The following ZNF490 variants were observed in gnomAD, a reference collection of about 807,000 sequenced individuals.
ZNF490 encodes zinc finger protein 490.
Under a neutral mutation model 17.7 loss-of-function variants are expected in ZNF490, and 11 were observed. That is an observed-to-expected ratio of 0.62 (90% confidence interval 0.39 to 1.03). The LOEUF is 1.03. Among genes scored for constraint, ZNF490 ranks in the 50% least tolerant of loss-of-function variants. ZNF490 has a pLI of 0.00. For missense variants in ZNF490, 542 were observed against 643.4 expected, an observed-to-expected ratio of 0.84 and a Z score of 1.71; for synonymous variants, 222 against 216.1, an observed-to-expected ratio of 1.03 and a Z score of -0.24.
At chr19:12,604,521 G>A (rs2023044500) in intron 2 of ZNF490, among the ~76,000 whole-genome samples, 1 of 151,966 alleles carries the variant, frequency 6.6e-6, no homozygotes, top group South Asian at 2.1e-4. Context: ...AAATTAGCTG[G>A]GCATGGTGGC....
intron 4 of ZNF490, 55 bp from the exon 5 acceptor site, chr19:12,581,779 T>G: frequency 7.2e-7 from 1 of 1,387,738 alleles, no homozygotes; most frequent in Non-Finnish European, 9.8e-7. Context: ...ATCTTATATT[T>G]ATTAGCAAGT....
At chr19:12,600,020 G>T (rs954654691) in intron 2 of ZNF490, among the ~76,000 whole-genome samples, 1 of 152,184 alleles carries the variant, frequency 6.6e-6, no homozygotes, top group Non-Finnish European at 1.5e-5. Flanking sequence ...AAACATTGGC[G>T]TAAATATGTC....
intron 2 of ZNF490, among the ~76,000 whole-genome samples, chr19:12,590,442 C>T (rs1237608294): frequency 6.6e-6 from 1 of 151,654 alleles, no homozygotes; most frequent in Non-Finnish European, 1.5e-5. Context: ...GTCCTGAACT[C>T]TTGACCTCAA....
intron 2 of ZNF490, among the ~76,000 whole-genome samples, chr19:12,595,147 CT>C (rs1049633074): frequency 8.7e-5 from 13 of 150,000 alleles, no homozygotes; most frequent in Non-Finnish European, 5.9e-5. Context: ...TTTTCTCTCT[CT>C]TTTTTTTTTT....
chr19:12,602,649 G>A (rs1436935964), intron 2 of ZNF490, among the ~76,000 whole-genome samples: 6 of 150,148 alleles, frequency 4.0e-5, no homozygotes. Flanking sequence ...GTCGAGACAA[G>A]GTTTCACTAT....
rs1431980598 is a variant in ZNF490 at position 12,577,680 on chromosome 19, C to T, written c.*2805G>A. On this transcript the variant is annotated 3_prime_UTR_variant, in exon 5 of 5. Transcript: ENST00000311437. ...GGCCTCTGGACCCTAGTATCTTCAC[C>T]GTGGTTTTGGATGCTGCCACCTGAC... is the stretch of plus-strand genomic sequence containing the variant. 5 of 985,372 alleles carry T rather than the reference C, an allele frequency of 5.1e-6. No individual in the cohort carries two copies. Among genetic ancestry groups the T allele is most frequent in the South Asian group, 9.4e-5 (2 of 21,296 alleles). The allele number at this position is 985,372 out of a possible 1,614,324, so 61.0% of individuals were successfully genotyped here.
chr19:12,581,509 TATTCGTGAC>T lies in ZNF490; in HGVS notation c.557_565del (p.Cys186_Glu188del), dbSNP rs760809803. 1 of 1,614,216 alleles carries T rather than the reference TATTCGTGAC, an allele frequency of 6.2e-7. No individual in the cohort carries two copies. The highest frequency in any genetic ancestry group is 1.1e-5 in the South Asian group (1 of 91,080). On this transcript the variant is annotated inframe_deletion, in exon 5 of 5. Transcript: ENST00000311437. The stretch of plus-strand genomic sequence containing the variant: ...TTTGCATTTATGTGGCTTCTCTCCA[TATTCGTGAC>T]ACTCATTTGGTTTCTGTTCAGTGTG...
At chr19:12,583,126 C>T (rs553187551) in intron 3 of ZNF490, among the ~76,000 whole-genome samples, 13 of 151,678 alleles carry the variant, frequency 8.6e-5, no homozygotes, top group South Asian at 2.1e-4. Flanking sequence ...ACTGCAACCT[C>T]GGCCTCCCGG....
At chr19:12,604,797 C>T (rs1296725332) in intron 2 of ZNF490, among the ~76,000 whole-genome samples, 1 of 151,304 alleles carries the variant, frequency 6.6e-6, no homozygotes, top group African/African-American at 2.4e-5. Context: ...GCACTCCAGC[C>T]TGGGCGACAA....
intron 2 of ZNF490, among the ~76,000 whole-genome samples, chr19:12,590,000 C>T (rs1356608349): frequency 6.6e-6 from 1 of 151,856 alleles, no homozygotes; most frequent in Non-Finnish European, 1.5e-5. Context: ...CTGCAATCTC[C>T]GCCTCCTGGG....
intron 2 of ZNF490, among the ~76,000 whole-genome samples, chr19:12,602,970 C>T (rs1736105870): frequency 6.6e-6 from 1 of 152,100 alleles, no homozygotes; most frequent in African/African-American, 2.4e-5. Flanking sequence ...TTCAAATCCA[C>T]AGTGATTTCC....
At chr19:12,610,449 A>G in intron 1 of ZNF490, 115 bp downstream of exon 1, 1 of 902,062 alleles carries the variant, frequency 1.1e-6, no homozygotes. Flanking sequence ...TGTTATGGTC[A>G]AAGATTAAAA....
chr19:12,598,529 C>T (rs532959134), intron 2 of ZNF490, among the ~76,000 whole-genome samples: 16 of 151,404 alleles, frequency 1.1e-4, no homozygotes, highest in East Asian at 4.2e-4. Context: ...CATGAGCCAC[C>T]ACGCCCGGCT....
At chr19:12,602,250 A>G (rs1354874643) in intron 2 of ZNF490, among the ~76,000 whole-genome samples, 3 of 151,938 alleles carry the variant, frequency 2.0e-5, no homozygotes, top group East Asian at 1.9e-4. Context: ...ATTAAATTGT[A>G]TATCAGAAAA....
rs1247710327 is a variant in ZNF490, at chr19:12,578,105, A to G, written c.*2380T>C. 1.0e-6 allele frequency: 1 copy of G among 985,292 alleles called. No individual in the cohort carries two copies. The highest frequency in any genetic ancestry group is 1.1e-4 in the East Asian group (1 of 8,816). The allele number at this position is 985,292 out of a possible 1,614,324, so 61.0% of individuals were successfully genotyped here. ...GCAGGGTGGGTCCTTTTCCAAGAAG[A>G]GCTAAGTGCTAGTCTTAGCGGGAGG... On this transcript the variant is annotated 3_prime_UTR_variant, in exon 5 of 5. Transcript: ENST00000311437.
At chr19:12,598,579 G>A (rs1232172940) in intron 2 of ZNF490, among the ~76,000 whole-genome samples, 1 of 151,326 alleles carries the variant, frequency 6.6e-6, no homozygotes, top group Non-Finnish European at 1.5e-5. Flanking sequence ...TCTCCATGTT[G>A]GTCAGGCTGG....
chr19:12,585,839 A>G lies in ZNF490; in HGVS notation c.163-2283T>C, dbSNP rs2022802978. On this transcript the variant is annotated intron_variant, in intron 2 of 4. Transcript: ENST00000311437. Reference sequence around the variant, plus strand: ...AGAGTAGCTGGGATTACAGGCATACACAACCACACCCAGCTAATTTTTGTA... The same window carrying G: ...AGAGTAGCTGGGATTACAGGCATACGCAACCACACCCAGCTAATTTTTGTA... 2.1e-5 allele frequency among the ~76,000 whole-genome samples: 2 copies of G among 93,428 alleles called. 1 individual carries two copies. The highest frequency in any genetic ancestry group is 5.8e-4 in the South Asian group (2 of 3,462). The allele number at this position is 93,428 out of a possible 152,430, so 61.3% of individuals were successfully genotyped here. A position where few individuals can be genotyped will look rare whatever the true frequency, so the allele number is the denominator to read the frequency against.
intron 2 of ZNF490, among the ~76,000 whole-genome samples, chr19:12,600,072 T>G (rs905133247): frequency 6.6e-6 from 1 of 152,258 alleles, no homozygotes; most frequent in South Asian, 2.1e-4. Context: ...TTATTAAGAA[T>G]TGGGTTTAGG....
chr19:12,597,245 G>A (rs2059254755), intron 2 of ZNF490: 3 of 452,918 alleles, frequency 6.6e-6, no homozygotes, highest in Admixed American at 2.4e-5. Context: ...GCCACAGACA[G>A]TCCGAGGCTG....
Sources: gnomAD v4.1 joint callset for allele counts (sites outside exome capture counted in the v4.1 genomes callset) on GRCh38, gnomAD v4.1.1 for gene constraint, MANE v1.5 for transcripts, NCBI Gene and HGNC (gene_info 2026-07-23, HGNC 2026-07-21) for gene names.